Variants in FANCL observed in about 807,000 individuals in gnomAD.
FANCL encodes FA complementation group L, also known as E3 ubiquitin-protein ligase FANCL.
Under a neutral mutation model 59.4 loss-of-function variants are expected in FANCL, and 69 were observed. The ratio of observed to expected loss-of-function variants is 1.16; its 90% CI spans 0.96 to 1.42. The LOEUF (loss-of-function observed/expected upper bound fraction) is 1.42. Ranked by LOEUF, FANCL falls within the 40% of genes most tolerant of loss-of-function variation. The pLI, the probability that FANCL is intolerant of heterozygous loss-of-function variation, is 0.00. For synonymous variants in FANCL, 180 were observed against 147.1 expected, an observed-to-expected ratio of 1.22 and a Z score of -1.62; for missense variants, 519 against 447.2, an observed-to-expected ratio of 1.16 and a Z score of -1.45.
At chr2:58,198,713 C>T (rs750271999) in intron 6 of FANCL, 51 bp from the exon 7 acceptor site, 1 of 1,421,608 alleles carries the variant, frequency 7.0e-7, no homozygotes, top group Admixed American at 1.7e-5. Flanking sequence ...GTGTTAATAT[C>T]ACTGAGGTAT....
Position 58,221,976 on chromosome 2 carries a change from G to C in FANCL, c.340C>G (p.Leu114Val), listed in dbSNP as rs750918226. Residue 114 changes from leucine (L) to valine (V), a missense_variant, in exon 5 of 14, where the codon CTT becomes GTT. Coordinates refer to ENST00000233741, the MANE Select transcript of FANCL (RefSeq NM_018062.4). ...CCAAGAGTTCCTATCTCTTCAATAA[G>C]GCTTGAGTAGAACTGGGGAGGAGGA... ...LPPPPQFYSS[L>V]IEEIGTLGWD... is the part of the protein sequence containing the mutation. 6.2e-7 allele frequency: 1 copy of C among 1,613,204 alleles called. No individual in the cohort carries two copies. Among genetic ancestry groups the C allele is most frequent in the South Asian group, 1.1e-5 (1 of 91,060 alleles).
At chr2:58,178,649 G>A (rs1687611953) in intron 7 of FANCL, among the ~76,000 whole-genome samples, 1 of 152,136 alleles carries the variant, frequency 6.6e-6, no homozygotes, top group Non-Finnish European at 1.5e-5. Context: ...AAAGCTGGAA[G>A]CATTCCCTTT....
intron 7 of FANCL, among the ~76,000 whole-genome samples, chr2:58,172,133 A>C (rs181116852): frequency 2.6e-5 from 4 of 152,362 alleles, no homozygotes; most frequent in African/African-American, 9.6e-5. Flanking sequence ...CAGCTCAAAG[A>C]GGCCTGCCTG....
chr2:58,199,672 T>C (rs910877692), intron 6 of FANCL, among the ~76,000 whole-genome samples: 1 of 152,142 alleles, frequency 6.6e-6, no homozygotes, highest in Non-Finnish European at 1.5e-5. Context: ...TTAAAATCAA[T>C]TTCCTTATTA....
intron 12 of FANCL, among the ~76,000 whole-genome samples, chr2:58,161,022 G>C (rs1440745301): frequency 1.3e-5 from 2 of 152,032 alleles, no homozygotes; most frequent in Non-Finnish European, 2.9e-5. Context: ...GGCATTGCCT[G>C]AGTGCTGTGA....
intron 5 of FANCL, chr2:58,213,423 G>C (rs1691379972): frequency 6.6e-6 from 1 of 152,150 alleles, no homozygotes; most frequent in African/African-American, 2.4e-5. Flanking sequence ...GATAGGTTTT[G>C]TCACTCTACC....
intron 4 of FANCL, among the ~76,000 whole-genome samples, chr2:58,224,006 T>C (rs1692728489): frequency 6.6e-6 from 1 of 151,930 alleles, no homozygotes; most frequent in South Asian, 2.1e-4. Context: ...TCACCAAATT[T>C]GTCCGTAATT....
intron 3 of FANCL, among the ~76,000 whole-genome samples, chr2:58,228,531 C>A (rs1172553981): frequency 1.3e-5 from 2 of 152,164 alleles, no homozygotes; most frequent in Admixed American, 6.5e-5. Flanking sequence ...TGGCATGTAG[C>A]CATACACATT....
In FANCL at chr2:58,159,543, G is replaced by T. The variant is rs374699085; in HGVS notation, c.*222C>A. On this transcript the variant is annotated 3_prime_UTR_variant, in exon 14 of 14. Coordinates refer to ENST00000233741, the MANE Select transcript of FANCL (RefSeq NM_018062.4). ...ATAAATACACTTCCACAGTCAGCAC[G>T]GGGATCACAGACTTAGAAAGTTCAA... 1 of 1,613,712 alleles carries T rather than the reference G, an allele frequency of 6.2e-7. No individual in the cohort carries two copies. Among genetic ancestry groups the T allele is most frequent in the Non-Finnish European group, 8.5e-7 (1 of 1,179,774 alleles).
chr2:58,165,375 A>C (rs1260292690), intron 8 of FANCL, among the ~76,000 whole-genome samples: 1 of 152,206 alleles, frequency 6.6e-6, no homozygotes, highest in Non-Finnish European at 1.5e-5. Flanking sequence ...GAAGATTGTA[A>C]GCTTCACAAA....
At chr2:58,216,939 T>C (rs1691781610) in intron 5 of FANCL, among the ~76,000 whole-genome samples, 1 of 151,548 alleles carries the variant, frequency 6.6e-6, no homozygotes, top group Non-Finnish European at 1.5e-5. Context: ...TTTCCTTTGA[T>C]GTTATTTTAT....
intron 4 of FANCL, among the ~76,000 whole-genome samples, chr2:58,225,269 C>T (rs555873870): frequency 6.6e-6 from 1 of 150,902 alleles, no homozygotes; most frequent in South Asian, 2.1e-4. Context: ...AGTTGCTAGG[C>T]ACCAACTCAT....
chr2:58,193,547 C>G (rs1306045946), intron 7 of FANCL, among the ~76,000 whole-genome samples: 1 of 152,078 alleles, frequency 6.6e-6, no homozygotes, highest in Non-Finnish European at 1.5e-5. Flanking sequence ...AATAAATTTT[C>G]TTTGTTTTGA....
At chr2:58,186,128 A>G (rs1164815091) in intron 7 of FANCL, among the ~76,000 whole-genome samples, 1 of 152,186 alleles carries the variant, frequency 6.6e-6, no homozygotes, top group Non-Finnish European at 1.5e-5. Flanking sequence ...ATAATTTGAG[A>G]GAAGCCTAGT....
intron 7 of FANCL, among the ~76,000 whole-genome samples, chr2:58,175,882 C>A (rs1420927472): frequency 2.6e-5 from 4 of 151,886 alleles, no homozygotes; most frequent in African/African-American, 2.4e-5. Context: ...ATCTAGAAAA[C>A]CCCATTGTCT....
intron 7 of FANCL, among the ~76,000 whole-genome samples, chr2:58,196,384 A>G (rs1029375022): frequency 3.3e-5 from 5 of 152,068 alleles, no homozygotes; most frequent in African/African-American, 1.2e-4. Flanking sequence ...GTTGTGATAA[A>G]AGGCTGTTTT....
At chr2:58,169,081 C>T (rs1282237226) in intron 7 of FANCL, among the ~76,000 whole-genome samples, 1 of 152,160 alleles carries the variant, frequency 6.6e-6, no homozygotes, top group Non-Finnish European at 1.5e-5. Context: ...GATCTCCCAC[C>T]ACAACACTCG....
Position 58,231,185 on chromosome 2 carries a change from G to A in FANCL, c.155+869C>T, listed in dbSNP as rs542046052. ...TCCTTTAAATGTTGGTACGCCCCAA[G>A]GTCTTGTCACTGGCTTTCTCTTCTA... On this transcript the variant is annotated intron_variant, in intron 2 of 13. Coordinates refer to ENST00000233741, the MANE Select transcript of FANCL (RefSeq NM_018062.4). Among the ~76,000 whole-genome samples, 4 of 152,168 alleles carry A rather than the reference G, an allele frequency of 2.6e-5. No homozygotes were observed. The South Asian group carries it at 6.2e-4, about 24-fold the overall frequency.
At chr2:58,167,968 C>T (rs1292894390) in intron 7 of FANCL, among the ~76,000 whole-genome samples, 1 of 151,802 alleles carries the variant, frequency 6.6e-6, no homozygotes, top group East Asian at 1.9e-4. Flanking sequence ...TGAATTTTTT[C>T]CCCAAATTGA....
Sources: gnomAD v4.1 joint callset for allele counts (sites outside exome capture counted in the v4.1 genomes callset) on GRCh38, gnomAD v4.1.1 for gene constraint, MANE v1.5 for transcripts, NCBI Gene and HGNC (gene_info 2026-07-23, HGNC 2026-07-21) for gene names.